Variants in PHF20 observed in about 807,000 individuals in gnomAD.
PHF20 encodes the protein glioma-expressed antigen 2.
PHF20 carries 23 observed loss-of-function variants against 113.5 expected under a neutral mutation model. The ratio of observed to expected loss-of-function variants is 0.20; its 90% CI spans 0.15 to 0.29. The LOEUF is 0.29. Ranked by LOEUF, PHF20 falls within the 10% of genes least tolerant of loss-of-function variation. The probability of loss-of-function intolerance (pLI) is 1.00; values close to 1 mark genes in which losing one functional copy is unlikely to be tolerated. For synonymous variants in PHF20, 434 were observed against 457.3 expected (o/e 0.95, Z 0.65); for missense variants, 943 against 1,219.6 (o/e 0.77, Z 3.38).
At chr20:35,874,925 C>T (rs533638539) in intron 9 of PHF20, among the ~76,000 whole-genome samples, 1 of 151,722 alleles carries the variant, frequency 6.6e-6, no homozygotes, top group Admixed American at 6.6e-5. Context: ...CATAGTGAGA[C>T]CCTCCCTCTT....
At chr20:35,910,641 T>TC (rs931575394) in intron 10 of PHF20, among the ~76,000 whole-genome samples, 4 of 150,284 alleles carry the variant, frequency 2.7e-5, no homozygotes, top group Admixed American at 6.7e-5. Context: ...TCTTTTTTCT[T>TC]CCCCCCCGAG....
chr20:35,869,673 A>C, intron 7 of PHF20, 122 bp downstream of exon 7: 1 of 693,532 alleles, frequency 1.4e-6, no homozygotes, highest in East Asian at 2.7e-5. Flanking sequence ...CACATGAGGT[A>C]ATGTGAGTTG....
intron 3 of PHF20, among the ~76,000 whole-genome samples, chr20:35,843,787 C>T (rs2042573682): frequency 6.6e-6 from 1 of 152,050 alleles, no homozygotes; most frequent in African/African-American, 2.4e-5. Flanking sequence ...TATTGTTGCC[C>T]AGGCTGGTCT....
At chr20:35,860,582 C>T (rs1235164243) in intron 5 of PHF20, among the ~76,000 whole-genome samples, 1 of 152,054 alleles carries the variant, frequency 6.6e-6, no homozygotes, top group Non-Finnish European at 1.5e-5. Context: ...TTAGTGGTAA[C>T]CTCAAGAATG....
chr20:35,872,321 G>A (rs1309509123), intron 9 of PHF20, among the ~76,000 whole-genome samples: 16 of 152,028 alleles, frequency 1.1e-4, no homozygotes, highest in Non-Finnish European at 4.4e-5. Context: ...TGGAGAGTTC[G>A]AGACCAGCCT....
Position 35,947,534 on chromosome 20 carries a change from G to T in PHF20, c.2946G>T (p.Pro982=), listed in dbSNP as rs61339761. ...CTGGGGAACTGGAGCCCCCTGAGCC[G>T]CTGGCCAGGCTTCCGCAGCTCAAGC... ...DYTGELEPPE[P]LARLPQLKHC... is the part of the protein sequence containing the mutation. The change falls in exon 18 of 18, where the codon CCG becomes CCT. Residue 982 remains proline, a synonymous_variant. Coordinates refer to ENST00000374012, the MANE Select transcript of PHF20 (RefSeq NM_016436.5). The T allele has an allele frequency of 1.5e-4, 250 of 1,613,934 alleles. 3 individuals are homozygous for T. The East Asian group carries it at 5.0e-3, about 32-fold the overall frequency.
At chr20:35,889,928 C>T (rs759692724) in intron 9 of PHF20, among the ~76,000 whole-genome samples, 1 of 152,034 alleles carries the variant, frequency 6.6e-6, no homozygotes, top group Non-Finnish European at 1.5e-5. Flanking sequence ...AGGGTTTCCT[C>T]ATGTTGTCCA....
intron 1 of PHF20, among the ~76,000 whole-genome samples, chr20:35,773,663 G>A (rs934738061): frequency 3.3e-5 from 5 of 152,084 alleles, no homozygotes; most frequent in Admixed American, 2.6e-4. Context: ...TCTTTCTTTG[G>A]AATTGTTCTG....
intron 1 of PHF20, among the ~76,000 whole-genome samples, chr20:35,793,053 G>T (rs543042577): frequency 3.9e-5 from 6 of 152,130 alleles, no homozygotes; most frequent in African/African-American, 9.7e-5. Context: ...CCTCTTGGAG[G>T]CTTCTTCCTG....
intron 10 of PHF20, among the ~76,000 whole-genome samples, chr20:35,911,338 G>C (rs903290187): frequency 1.3e-5 from 2 of 152,180 alleles, no homozygotes; most frequent in African/African-American, 4.8e-5. Context: ...CACTGCGCCC[G>C]GCCTGCTGTT....
In PHF20 at chr20:35,892,224, ATTTTTTTTTT is replaced by A. The variant is rs780490898; in HGVS notation, c.1283-7133_1283-7124del. On this transcript the variant is annotated intron_variant, in intron 9 of 17. Transcript: ENST00000374012. ...AGGCATGCACCACCACGCCTGGCTG[ATTTTTTTTTT>A]TTTTTTTTTTTTGTATTTTTAGTAG... Among the ~76,000 whole-genome samples, 11 of 102,528 alleles carry A rather than the reference ATTTTTTTTTT, an allele frequency of 1.1e-4. No individual in the cohort carries two copies. In the South Asian group the frequency reaches 2.1e-3, roughly 19 times the overall value. 67.3% of individuals were successfully genotyped at this position (102,528 alleles called of 152,430 possible). A position where few individuals can be genotyped will look rare whatever the true frequency, so the allele number is the denominator to read the frequency against.
chr20:35,847,321 G>A, intron 3 of PHF20, 29 bp from the exon 4 acceptor site: 1 of 1,319,708 alleles, frequency 7.6e-7, no homozygotes, highest in Non-Finnish European at 1.1e-6. Context: ...TTGGTAACAG[G>A]ATCTTTTTTT....
At chr20:35,786,450 T>C (rs1320681396) in intron 1 of PHF20, among the ~76,000 whole-genome samples, 2 of 152,106 alleles carry the variant, frequency 1.3e-5, no homozygotes, top group African/African-American at 4.8e-5. Flanking sequence ...ATGCCTGTCA[T>C]CCCAGCAGTT....
At chr20:35,842,135 C>T (rs950728793) in intron 2 of PHF20, among the ~76,000 whole-genome samples, 2 of 152,076 alleles carry the variant, frequency 1.3e-5, no homozygotes, top group Non-Finnish European at 2.9e-5. Flanking sequence ...CACCTAAGGT[C>T]GGGAGTTCGA....
At chr20:35,884,406 A>G (rs1335223303) in intron 9 of PHF20, among the ~76,000 whole-genome samples, 1 of 152,134 alleles carries the variant, frequency 6.6e-6, no homozygotes, top group Non-Finnish European at 1.5e-5. Flanking sequence ...AGCTGTTCCA[A>G]CCTAACTCTG....
intron 10 of PHF20, among the ~76,000 whole-genome samples, chr20:35,901,514 T>C (rs563112982): frequency 2.6e-5 from 4 of 152,100 alleles, no homozygotes; most frequent in African/African-American, 7.2e-5. Flanking sequence ...AGATAAAGGA[T>C]TGGGCTTTTT....
chr20:35,874,131 C>T (rs1272638730), intron 9 of PHF20, among the ~76,000 whole-genome samples: 1 of 152,168 alleles, frequency 6.6e-6, no homozygotes, highest in Admixed American at 6.5e-5. Context: ...GCCACCACGC[C>T]TGGCTAAATT....
At chr20:35,844,027 T>A (rs560488448) in intron 3 of PHF20, among the ~76,000 whole-genome samples, 1 of 152,124 alleles carries the variant, frequency 6.6e-6, no homozygotes, top group East Asian at 1.9e-4. Context: ...TTTTAAGCAG[T>A]GAAAGCACAG....
chr20:35,802,352 T>G (rs1200276414), intron 2 of PHF20, among the ~76,000 whole-genome samples: 3 of 142,788 alleles, frequency 2.1e-5, no homozygotes, highest in South Asian at 4.5e-4. Context: ...AGGGTTTTTG[T>G]TTTTTTTTTT....
Sources: allele counts gnomAD v4.1 joint callset (sites outside exome capture counted in the v4.1 genomes callset), GRCh38; gene constraint gnomAD v4.1.1; transcripts MANE v1.5; gene names NCBI Gene and HGNC (gene_info 2026-07-23, HGNC 2026-07-21).